The following RAD54B variants were observed in gnomAD, a reference collection of about 807,000 sequenced individuals.
RAD54B encodes the protein RAD54 homolog B, also known as DNA repair and recombination protein RAD54B.
Under a neutral mutation model 95.8 loss-of-function variants are expected in RAD54B, and 78 were observed. That is an observed-to-expected ratio of 0.81 (90% CI 0.68 to 0.98). The LOEUF is 0.98. Ranked by LOEUF, RAD54B falls within the 50% of genes least tolerant of loss-of-function variation. The pLI is 0.00. For missense variants in RAD54B, 957 were observed against 1,056.6 expected, an observed-to-expected ratio of 0.91 and a Z score of 1.31; for synonymous variants, 328 against 354.9, an observed-to-expected ratio of 0.92 and a Z score of 0.85.
chr8:94,392,005 A>T (rs1470144959), intron 9 of RAD54B, 106 bp from the exon 10 acceptor site: 1 of 1,082,490 alleles, frequency 9.2e-7, no homozygotes, highest in Non-Finnish European at 1.3e-6. Context: ...TTGCTTCCCA[A>T]CAAATTTTAA....
At chr8:94,464,911 G>T (rs542806513) in intron 2 of RAD54B, among the ~76,000 whole-genome samples, 1 of 151,978 alleles carries the variant, frequency 6.6e-6, no homozygotes, top group Non-Finnish European at 1.5e-5. Flanking sequence ...AAAGAGGGAG[G>T]GGGGAGATGC....
At chr8:94,375,544 G>A (rs1439218394) in intron 14 of RAD54B, among the ~76,000 whole-genome samples, 1 of 152,194 alleles carries the variant, frequency 6.6e-6, no homozygotes, top group African/African-American at 2.4e-5. Flanking sequence ...ATGTGGAACT[G>A]TGAGTCTAAT....
Position 94,433,647 on chromosome 8 carries a change from A to T in RAD54B, c.305-22332T>A, listed in dbSNP as rs191187671. ...AACCTTAAAATTCTGTTTTATAAAC[A>T]TAATTTTATGTATAACGTGAAGCTG... On this transcript the variant is annotated intron_variant, in intron 3 of 14. Coordinates refer to ENST00000336148, the MANE Select transcript of RAD54B (RefSeq NM_012415.3). Among the ~76,000 whole-genome samples the T allele has an allele frequency of 1.0e-3, 158 of 152,100 alleles. 1 individual carries two copies. The highest frequency in any genetic ancestry group is 1.9e-3 in the Non-Finnish European group (130 of 67,886).
At chr8:94,441,907 A>G (rs946215085) in intron 3 of RAD54B, among the ~76,000 whole-genome samples, 1 of 152,220 alleles carries the variant, frequency 6.6e-6, no homozygotes, top group Non-Finnish European at 1.5e-5. Context: ...ATATTCCACA[A>G]TATCACCTAT....
At chr8:94,407,875 A>T (rs894929569) in intron 4 of RAD54B, among the ~76,000 whole-genome samples, 155 bp from the exon 5 acceptor site, 4 of 152,158 alleles carry the variant, frequency 2.6e-5, no homozygotes, top group Non-Finnish European at 4.4e-5. Flanking sequence ...GTTAAAAAAA[A>T]CATTGAAAAT....
rs751631578 is a variant in RAD54B at position 94,432,209 on chromosome 8, T to C, written c.305-20894A>G. Reference sequence around the variant, plus strand: ...TCTCCACTTCAATTTTTGCTCTTAGTAGCTCTTCCTCTAGCTGCTGCCTTC... The same window carrying C: ...TCTCCACTTCAATTTTTGCTCTTAGCAGCTCTTCCTCTAGCTGCTGCCTTC... On this transcript the variant is annotated intron_variant, in intron 3 of 14. Coordinates refer to ENST00000336148, the MANE Select transcript of RAD54B (RefSeq NM_012415.3). 3.9e-5 allele frequency: 60 copies of C among 1,550,284 alleles called. No homozygotes were observed. The African/African-American group carries it at 7.0e-4, about 18-fold the overall frequency.
intron 3 of RAD54B, among the ~76,000 whole-genome samples, chr8:94,434,900 G>T (rs1302542441): frequency 6.6e-6 from 1 of 151,134 alleles, no homozygotes; most frequent in Non-Finnish European, 1.5e-5. Context: ...TTTTGTGTGT[G>T]AATATTGTAA....
intron 4 of RAD54B, 84 bp from the exon 5 acceptor site, chr8:94,407,804 T>G: frequency 8.4e-7 from 1 of 1,184,218 alleles, no homozygotes; most frequent in Non-Finnish European, 1.2e-6. Context: ...AAACTGCACT[T>G]TGAATGTAAA....
chr8:94,399,406 A>G lies in RAD54B; in HGVS notation c.1378+8T>C. On this transcript the variant is annotated splice_region_variant and intron_variant, in intron 8 of 14. Coordinates refer to ENST00000336148, the MANE Select transcript of RAD54B (RefSeq NM_012415.3). ...TTCCAAAATATCTTCCCCAAACTGA[A>G]TACTGACCAGTTAGAATTATTCTTT... is the stretch of plus-strand genomic sequence containing the variant. The G allele has an allele frequency of 6.2e-7, 1 of 1,610,116 alleles. No homozygotes were observed. Among genetic ancestry groups the G allele is most frequent in the Non-Finnish European group, 8.5e-7 (1 of 1,176,988 alleles).
At chr8:94,440,356 A>C (rs1472005862) in intron 3 of RAD54B, among the ~76,000 whole-genome samples, 2 of 152,230 alleles carry the variant, frequency 1.3e-5, no homozygotes, top group Non-Finnish European at 2.9e-5. Flanking sequence ...AGAATGGACA[A>C]GTTTTTAAAT....
At chr8:94,424,547 G>A (rs1179642828) in intron 3 of RAD54B, among the ~76,000 whole-genome samples, 2 of 152,128 alleles carry the variant, frequency 1.3e-5, no homozygotes, top group Non-Finnish European at 2.9e-5. Flanking sequence ...TGGGAACATG[G>A]AATAGTGGAA....
At chr8:94,373,402 G>A (rs921052132) in intron 14 of RAD54B, among the ~76,000 whole-genome samples, 3 of 35,918 alleles carry the variant, frequency 8.4e-5, no homozygotes, top group Admixed American at 8.3e-4. Context: ...TTGCCACTGA[G>A]TCTGGCCTTA....
At chr8:94,375,329 G>C (rs1810542321) in intron 14 of RAD54B, among the ~76,000 whole-genome samples, 1 of 152,156 alleles carries the variant, frequency 6.6e-6, no homozygotes, top group African/African-American at 2.4e-5. Context: ...CACGTGTTGT[G>C]GGAAGGACCC....
intron 1 of RAD54B, among the ~76,000 whole-genome samples, chr8:94,469,122 A>G (rs1292297264): frequency 1.3e-5 from 2 of 151,778 alleles, no homozygotes; most frequent in Non-Finnish European, 1.5e-5. Context: ...TTAATAAAAA[A>G]AAAGAAAAAG....
rs544921532 is a variant in RAD54B, at chr8:94,464,940, C to T, written c.135+2465G>A. On this transcript the variant is annotated intron_variant, in intron 2 of 14. Transcript: ENST00000336148. ...GAGATGCCGCACTCTTTTTAAACAA[C>T]CAGATATCATGTGGACTCAGAGCGA... is the stretch of plus-strand genomic sequence containing the variant. Among the ~76,000 whole-genome samples the T allele has an allele frequency of 1.9e-3, 293 of 152,128 alleles. 1 individual carries two copies. Among genetic ancestry groups the T allele is most frequent in the Admixed American group, 6.4e-3 (98 of 15,262 alleles).
chr8:94,417,485 A>G (rs1312078616), intron 3 of RAD54B, among the ~76,000 whole-genome samples: 1 of 152,032 alleles, frequency 6.6e-6, no homozygotes, highest in East Asian at 1.9e-4. Context: ...AAAATTAAAA[A>G]AAAAAAAAAA....
At chr8:94,456,613 G>A (rs569341774) in intron 3 of RAD54B, among the ~76,000 whole-genome samples, 13 of 152,266 alleles carry the variant, frequency 8.5e-5, no homozygotes, top group East Asian at 3.9e-4. Context: ...CTTTCAACTC[G>A]AGAGTTTGTA....
Position 94,391,867 on chromosome 8 carries a change from A to G in RAD54B, c.1551T>C (p.Ala517=). 1.2e-6 allele frequency: 2 copies of G among 1,612,130 alleles called. No homozygotes were observed. Among genetic ancestry groups the G allele is most frequent in the Non-Finnish European group, 1.7e-6 (2 of 1,179,540 alleles). Residue 517 remains alanine, a synonymous_variant, in exon 10 of 15, where the codon GCT becomes GCC. Coordinates refer to ENST00000336148, the MANE Select transcript of RAD54B (RefSeq NM_012415.3). ...EEKELGERRA[A]ELTCLTGLFI... ...AGAGTCCAGTGAGGCAAGTAAGTTCAGCTGCTCTTCTTTCTCCTAACTCCT... is the reference window on the plus strand; with the variant it reads ...AGAGTCCAGTGAGGCAAGTAAGTTCGGCTGCTCTTCTTTCTCCTAACTCCT...
chr8:94,458,592 C>T (rs2130178522), intron 2 of RAD54B, among the ~76,000 whole-genome samples, 156 bp from the exon 3 acceptor site: 1 of 152,228 alleles, frequency 6.6e-6, no homozygotes, highest in East Asian at 1.9e-4. Context: ...ATCTGCTGGG[C>T]ATGGTGGCTC....
Sources: gnomAD v4.1 joint callset for allele counts (sites outside exome capture counted in the v4.1 genomes callset) on GRCh38, gnomAD v4.1.1 for gene constraint, MANE v1.5 for transcripts, NCBI Gene and HGNC (gene_info 2026-07-23, HGNC 2026-07-21) for gene names.